CNTN3: variants seen among roughly 807,000 people sequenced by gnomAD.
CNTN3 encodes contactin-3.
In CNTN3, 60 loss-of-function variants were observed where a neutral mutation model predicts 119.1. The ratio of observed to expected loss-of-function variants is 0.50; its 90% CI spans 0.41 to 0.62. The LOEUF (loss-of-function observed/expected upper bound fraction) is 0.62. Ranked by LOEUF, CNTN3 falls within the 20% of genes least tolerant of loss-of-function variation. The probability of loss-of-function intolerance (pLI) is 0.00; values close to 1 mark genes in which losing one functional copy is unlikely to be tolerated. For synonymous variants in CNTN3, 450 were observed against 438.7 expected (o/e 1.03, Z -0.32); for missense variants, 1,101 against 1,242.4 (o/e 0.89, Z 1.71).
chr3:74,588,454 G>C (rs925253674), intron 1 of CNTN3, among the ~76,000 whole-genome samples: 1 of 152,052 alleles, frequency 6.6e-6, no homozygotes, highest in African/African-American at 2.4e-5. Flanking sequence ...GGAAATAAAA[G>C]AGGATACAAA....
chr3:74,296,850 A>G (rs1218119562), intron 18 of CNTN3, among the ~76,000 whole-genome samples: 1 of 151,488 alleles, frequency 6.6e-6, no homozygotes, highest in Non-Finnish European at 1.5e-5. Context: ...TAAAACTTCA[A>G]TACATGTTAG....
Position 74,521,140 on chromosome 3 carries a change from C to CTTGCAT in CNTN3, c.-29_-28insATGCAA. 1 of 1,464,576 alleles carries CTTGCAT rather than the reference C, an allele frequency of 6.8e-7. No individual in the cohort carries two copies. Among genetic ancestry groups the CTTGCAT allele is most frequent in the African/African-American group, 1.4e-5 (1 of 70,666 alleles). The allele number at this position is 1,464,576 out of a possible 1,614,324, so 90.7% of individuals were successfully genotyped here. A position where few individuals can be genotyped will look rare whatever the true frequency, so the allele number is the denominator to read the frequency against. ...TTAATTGCCAAATGCAAGAGTAACTCTTGTCCAGTCTCTGATGAATAGAAT... is the reference window on the plus strand; with the variant it reads ...TTAATTGCCAAATGCAAGAGTAACTCTTGCATTTGTCCAGTCTCTGATGAATAGAAT... On this transcript the variant is annotated 5_prime_UTR_variant, in exon 2 of 23. In the 5' UTR this introduces an upstream ATG that the reference lacks. Transcript: ENST00000263665.
intron 4 of CNTN3, among the ~76,000 whole-genome samples, chr3:74,437,068 C>T (rs1345976776): frequency 6.6e-6 from 1 of 152,182 alleles, no homozygotes; most frequent in African/African-American, 2.4e-5. Context: ...TAACAGAGTA[C>T]TGCCTCTGAC....
chr3:74,596,456 C>A (rs1704812028), intron 1 of CNTN3, among the ~76,000 whole-genome samples: 1 of 152,102 alleles, frequency 6.6e-6, no homozygotes, highest in South Asian at 2.1e-4. Flanking sequence ...GCTACAGTAA[C>A]CAAAACAGCA....
At chr3:74,343,330 A>G (rs1274790214) in intron 11 of CNTN3, among the ~76,000 whole-genome samples, 1 of 152,190 alleles carries the variant, frequency 6.6e-6, no homozygotes, top group Non-Finnish European at 1.5e-5. Context: ...CCAAAGAGAA[A>G]GAAGGGGAAA....
At chr3:74,319,084 T>G (rs1461094923) in intron 13 of CNTN3, among the ~76,000 whole-genome samples, 2 of 152,172 alleles carry the variant, frequency 1.3e-5, no homozygotes, top group Non-Finnish European at 2.9e-5. Flanking sequence ...TAAATGGCCA[T>G]ACTGCCCAAG....
At chr3:74,446,408 G>A (rs1169128209) in intron 4 of CNTN3, among the ~76,000 whole-genome samples, 1 of 151,542 alleles carries the variant, frequency 6.6e-6, no homozygotes, top group East Asian at 1.9e-4. Flanking sequence ...AATATAATTC[G>A]TGTGTGTGTG....
Position 74,461,350 on chromosome 3 carries a change from TG to T in CNTN3, c.358+25105del, listed in dbSNP as rs542793675. 3.3e-3 allele frequency among the ~76,000 whole-genome samples: 509 copies of T among 152,210 alleles called. 1 individual carries two copies. The highest frequency in any genetic ancestry group is 0.012 in the African/African-American group (486 of 41,574). On this transcript the variant is annotated intron_variant, in intron 4 of 22. Coordinates refer to ENST00000263665, the MANE Select transcript of CNTN3 (RefSeq NM_020872.3). ...ATTGCAGAAAATCAGTCATTTGTGCTGTTAAATTAATTGCAATATAAAATAG... is the reference window on the plus strand; with the variant it reads ...ATTGCAGAAAATCAGTCATTTGTGCTTTAAATTAATTGCAATATAAAATAG...
chr3:74,492,203 AC>A lies in CNTN3; in HGVS notation c.183-5573del, dbSNP rs1702976879. On this transcript the variant is annotated intron_variant, in intron 3 of 22. Transcript: ENST00000263665. Reference sequence around the variant, plus strand: ...AATCACAAGTGAGAAATGATTTATTACTCATATTTCACAAATCTAGTAATTC... The same window carrying A: ...AATCACAAGTGAGAAATGATTTATTATCATATTTCACAAATCTAGTAATTC... Among the ~76,000 whole-genome samples, 4 of 152,168 alleles carry A rather than the reference AC, an allele frequency of 2.6e-5. No individual in the cohort carries two copies. The South Asian group carries it at 8.3e-4, about 32-fold the overall frequency.
intron 16 of CNTN3, among the ~76,000 whole-genome samples, chr3:74,300,599 C>G (rs1308633759): frequency 6.6e-6 from 1 of 152,148 alleles, no homozygotes; most frequent in East Asian, 1.9e-4. Context: ...CACAGTTCCT[C>G]TATTTCTCAT....
chr3:74,468,837 T>C (rs1188239163), intron 4 of CNTN3, among the ~76,000 whole-genome samples: 1 of 152,080 alleles, frequency 6.6e-6, no homozygotes, highest in Non-Finnish European at 1.5e-5. Flanking sequence ...GATGACAGAT[T>C]TGGGAGGGGT....
At chr3:74,541,707 G>A (rs775266385) in intron 1 of CNTN3, among the ~76,000 whole-genome samples, 69 of 152,206 alleles carry the variant, frequency 4.5e-4, no homozygotes, top group Non-Finnish European at 9.3e-4. Flanking sequence ...ATGTGCTGGG[G>A]TCATGAGAGT....
intron 4 of CNTN3, among the ~76,000 whole-genome samples, chr3:74,481,775 T>C (rs13319711): frequency 0.016 from 2,371 of 151,794 alleles, 52 homozygotes; most frequent in African/African-American, 0.053. Context: ...AGTGTAGAAA[T>C]TTGAAAGTGA....
At chr3:74,284,372 A>C (rs759822249) in intron 20 of CNTN3, among the ~76,000 whole-genome samples, 1 of 152,152 alleles carries the variant, frequency 6.6e-6, no homozygotes, top group Non-Finnish European at 1.5e-5. Flanking sequence ...TTAAGAAAAC[A>C]ATTTTCTGCA....
intron 20 of CNTN3, among the ~76,000 whole-genome samples, chr3:74,274,227 GCT>G (rs1701837322): frequency 6.6e-6 from 1 of 152,056 alleles, no homozygotes; most frequent in Non-Finnish European, 1.5e-5. Context: ...CACCCTGGTA[GCT>G]GAACACAAAA....
chr3:74,529,188 A>T (rs932047538), intron 1 of CNTN3, among the ~76,000 whole-genome samples: 2 of 151,972 alleles, frequency 1.3e-5, no homozygotes, highest in African/African-American at 2.4e-5. Context: ...ACAGTCTCTC[A>T]AAAATTTTAA....
At chr3:74,284,220 G>T (rs1559680232) in intron 20 of CNTN3, among the ~76,000 whole-genome samples, 1 of 151,990 alleles carries the variant, frequency 6.6e-6, no homozygotes, top group Non-Finnish European at 1.5e-5. Flanking sequence ...AGACAAAAAA[G>T]TATGTTTTCA....
At chr3:74,562,107 G>T (rs1452526452) in intron 1 of CNTN3, among the ~76,000 whole-genome samples, 1 of 151,892 alleles carries the variant, frequency 6.6e-6, no homozygotes, top group Non-Finnish European at 1.5e-5. Context: ...GAGGCTCCTG[G>T]CATTTTCCCC....
At chr3:74,476,339 C>T (rs2107014937) in intron 4 of CNTN3, among the ~76,000 whole-genome samples, 1 of 152,184 alleles carries the variant, frequency 6.6e-6, no homozygotes, top group South Asian at 2.1e-4. Context: ...TGAACATTGA[C>T]TATTTATGGT....
Sources: allele counts gnomAD v4.1 joint callset (sites outside exome capture counted in the v4.1 genomes callset), GRCh38; gene constraint gnomAD v4.1.1; transcripts MANE v1.5; gene names NCBI Gene and HGNC (gene_info 2026-07-23, HGNC 2026-07-21).